Variants in C1orf210 observed in about 807,000 individuals in gnomAD.
C1orf210 encodes chromosome 1 open reading frame 210, also known as type III endosome membrane protein TEMP.
A neutral mutation model predicts 3.7 loss-of-function variants in C1orf210; 3 were observed. The ratio of observed to expected loss-of-function variants is 0.81; its 90% CI spans 0.37 to 2.08. The LOEUF (loss-of-function observed/expected upper bound fraction) is 2.08, where lower values mean the gene tolerates loss of function less well. Among genes scored for constraint, C1orf210 ranks in the 30% most tolerant of loss-of-function variants. The pLI, the probability that C1orf210 is intolerant of heterozygous loss-of-function variation, is 0.06. For synonymous variants in C1orf210, 62 were observed against 61.7 expected (o/e 1.00, Z -0.02); for missense variants, 143 against 147.7 (o/e 0.97, Z 0.17).
At chr1:43,283,194 C>A in intron 2 of C1orf210, 58 bp downstream of exon 2, 30 of 1,601,468 alleles carry the variant, frequency 1.9e-5, no homozygotes, top group Non-Finnish European at 2.5e-5. Flanking sequence ...GTCCTTCCCC[C>A]AACCCCAGCA....
intron 2 of C1orf210, 62 bp downstream of exon 2, chr1:43,283,190 C>A (rs367878230): frequency 7.5e-6 from 12 of 1,599,484 alleles, no homozygotes; most frequent in African/African-American, 1.3e-5. Flanking sequence ...TAGGGTCCTT[C>A]CCCCAACCCC....
In C1orf210 at chr1:43,282,266, GA is replaced by G. The variant is rs57070122; in HGVS notation, c.*518del. Reference sequence around the variant, plus strand: ...GCAACAGAGTGAGACTCCGTCTCAGGAAAAAAAAAAAAAGGAAGCTTGGCAC... The same window carrying G: ...GCAACAGAGTGAGACTCCGTCTCAGGAAAAAAAAAAAAGGAAGCTTGGCAC... On this transcript the variant is annotated 3_prime_UTR_variant, in exon 3 of 3. Transcript: ENST00000523677. 8 of 145,792 alleles carry G rather than the reference GA, an allele frequency of 5.5e-5. No individual in the cohort carries two copies. The highest frequency in any genetic ancestry group is 7.5e-5 in the Non-Finnish European group (5 of 66,650). 9.0% of individuals were successfully genotyped at this position (145,792 alleles called of 1,614,324 possible). A position where few individuals can be genotyped will look rare whatever the true frequency, so the allele number is the denominator to read the frequency against.
At chr1:43,284,740 A>G (rs1646569599) in intron 1 of C1orf210, among the ~76,000 whole-genome samples, 1 of 151,984 alleles carries the variant, frequency 6.6e-6, no homozygotes, top group African/African-American at 2.4e-5. Context: ...CCTCTTCTCC[A>G]CAGTTCCCTC....
rs1435700574 is a variant in C1orf210, at chr1:43,282,376, TAGG to T, written c.*406_*408del. 3.5e-5 allele frequency: 6 copies of T among 171,930 alleles called. No individual in the cohort carries two copies. Among genetic ancestry groups the T allele is most frequent in the Non-Finnish European group, 6.1e-5 (5 of 81,432 alleles). 10.7% of individuals were successfully genotyped at this position (171,930 alleles called of 1,614,324 possible). On this transcript the variant is annotated 3_prime_UTR_variant, in exon 3 of 3. Transcript: ENST00000523677. ...CAGGCCATCACAGTCATAGAGGATT[TAGG>T]AGAAGAGTAGCGTAGGCAGGGGGAC...
At chr1:43,285,311 A>G (rs1465987941) in intron 1 of C1orf210, 133 bp downstream of exon 1, 1 of 152,270 alleles carries the variant, frequency 6.6e-6, no homozygotes, top group Non-Finnish European at 1.5e-5. Flanking sequence ...CCAAGGGTGC[A>G]TATACACTCC....
chr1:43,283,475 T>C, intron 1 of C1orf210, 107 bp from the exon 2 acceptor site: 6 of 575,922 alleles, frequency 1.0e-5, no homozygotes, highest in Admixed American at 3.3e-5. Context: ...ACTGGACAAC[T>C]GACCACACCA....
chr1:43,283,132 A>G, intron 2 of C1orf210, 25 bp from the exon 3 acceptor site: 8 of 1,605,122 alleles, frequency 5.0e-6, no homozygotes, highest in Non-Finnish European at 5.1e-6. Flanking sequence ...ACAGCATTAT[A>G]GGTGGGCCCC....
chr1:43,282,488 A>G lies in C1orf210; in HGVS notation c.*297T>C. ...ATTGATTTCGACAGTAAAGTAGGGG[A>G]AGGCAAGAAAAGAAACCAAGAGGCC... On this transcript the variant is annotated 3_prime_UTR_variant, in exon 3 of 3. Transcript: ENST00000523677. The G allele has an allele frequency of 2.9e-6, 1 of 347,660 alleles. No homozygotes were observed. The highest frequency in any genetic ancestry group is 2.1e-5 in the African/African-American group (1 of 47,802). The allele number at this position is 347,660 out of a possible 1,614,324, so 21.5% of individuals were successfully genotyped here. A position where few individuals can be genotyped will look rare whatever the true frequency, so the allele number is the denominator to read the frequency against.
At position 43,283,083 on chromosome 1, in the gene C1orf210, G is replaced by A. The variant is rs768886063; in HGVS notation, c.44C>T (p.Pro15Leu). Reference protein sequence around the residue: ...NKTLVGPSELPTASAVAPGPG... With the variant: ...NKTLVGPSELLTASAVAPGPG... ...GCCAGGGGCCACAGCAGACGCTGTGGGGAGCTCCGAAGGCCCAACAAGTGC... is the reference window on the plus strand; with the variant it reads ...GCCAGGGGCCACAGCAGACGCTGTGAGGAGCTCCGAAGGCCCAACAAGTGC... The change falls in exon 3 of 3, where the codon CCC becomes CTC. Residue 15 changes from proline to leucine, a missense_variant. Transcript: ENST00000523677. 1 of 1,613,686 alleles carries A rather than the reference G, an allele frequency of 6.2e-7. No individual in the cohort carries two copies. The highest frequency in any genetic ancestry group is 2.2e-5 in the East Asian group (1 of 44,868).
At chr1:43,285,022 C>A (rs999271852) in intron 1 of C1orf210, among the ~76,000 whole-genome samples, 1 of 152,170 alleles carries the variant, frequency 6.6e-6, no homozygotes, top group East Asian at 1.9e-4. Context: ...GGGAGCTGGG[C>A]GTTCAGCCCC....
At position 43,282,569 on chromosome 1, in the gene C1orf210, A is replaced by T; in HGVS notation, c.*216T>A. The T allele has an allele frequency of 1.8e-6, 1 of 551,940 alleles. No homozygotes were observed. The highest frequency in any genetic ancestry group is 3.2e-6 in the Non-Finnish European group (1 of 313,476). 34.2% of individuals were successfully genotyped at this position (551,940 alleles called of 1,614,324 possible). ...CACACTCAAGCCTTTGTTTGGCTTTATCCTGAGAACAGCAGGGAACAGTTG... is the reference window on the plus strand; with the variant it reads ...CACACTCAAGCCTTTGTTTGGCTTTTTCCTGAGAACAGCAGGGAACAGTTG... On this transcript the variant is annotated 3_prime_UTR_variant, in exon 3 of 3. Coordinates refer to ENST00000523677, the MANE Select transcript of C1orf210 (RefSeq NM_182517.3).
chr1:43,284,862 C>A (rs1646570277), intron 1 of C1orf210, among the ~76,000 whole-genome samples: 1 of 152,212 alleles, frequency 6.6e-6, no homozygotes, highest in African/African-American at 2.4e-5. Context: ...CCAAATCAGA[C>A]CATACCTGCC....
intron 1 of C1orf210, among the ~76,000 whole-genome samples, chr1:43,284,296 G>A (rs1378368489): frequency 6.6e-6 from 1 of 152,092 alleles, no homozygotes; most frequent in African/African-American, 2.4e-5. Context: ...GCTAGGGCAG[G>A]AGCATATCTG....
rs1022627374 is a variant in C1orf210, at chr1:43,284,969, C to T, written c.-99+475G>A. Among the ~76,000 whole-genome samples the T allele has an allele frequency of 2.0e-4, 30 of 152,226 alleles. 1 individual carries two copies. Among genetic ancestry groups the T allele is most frequent in the Admixed American group, 1.9e-3 (29 of 15,274 alleles). Reference sequence around the variant, plus strand: ...AGTCATTGCTAGGCGGGCAGCTCCCCGTGGGCAACGGCTGGCTGAAGGATC... The same window carrying T: ...AGTCATTGCTAGGCGGGCAGCTCCCTGTGGGCAACGGCTGGCTGAAGGATC... On this transcript the variant is annotated intron_variant, in intron 1 of 2. Coordinates refer to ENST00000523677, the MANE Select transcript of C1orf210 (RefSeq NM_182517.3).
intron 1 of C1orf210, 93 bp from the exon 2 acceptor site, chr1:43,283,461 G>T: frequency 3.0e-6 from 2 of 668,228 alleles, no homozygotes; most frequent in Non-Finnish European, 5.0e-6. Flanking sequence ...CACAAACTCT[G>T]GGGACTGGAC....
Position 43,282,879 on chromosome 1 carries a change from T to A in C1orf210, c.248A>T (p.Asp83Val). Residue 83 changes from aspartate (D) to valine (V), a missense_variant, in exon 3 of 3, where the codon GAT (aspartate) becomes GTT (valine). Asp to Val is a radical substitution (Grantham distance 152). Coordinates refer to ENST00000523677, the MANE Select transcript of C1orf210 (RefSeq NM_182517.3). ...CTCGATGAAGCCATCATCATCCTCA[T>A]CTTCAGCCACCTGTGGGCGGCCTCC... ...GRGGRPQVAEDEDDDGFIEDN... is the reference protein window; with the variant it reads ...GRGGRPQVAEVEDDDGFIEDN... 1 of 1,614,138 alleles carries A rather than the reference T, an allele frequency of 6.2e-7. No individual in the cohort carries two copies. The highest frequency in any genetic ancestry group is 8.5e-7 in the Non-Finnish European group (1 of 1,179,986).
chr1:43,283,803 G>C (rs1570412376), intron 1 of C1orf210, among the ~76,000 whole-genome samples: 1 of 152,152 alleles, frequency 6.6e-6, no homozygotes, highest in East Asian at 1.9e-4. Context: ...GCAGAGGTGG[G>C]TCCTGGCTCC....
In C1orf210 at chr1:43,282,609, A is replaced by G; in HGVS notation, c.*176T>C. On this transcript the variant is annotated 3_prime_UTR_variant, in exon 3 of 3. Coordinates refer to ENST00000523677, the MANE Select transcript of C1orf210 (RefSeq NM_182517.3). ...GGGAACAGTTGAGAGTTATTGAGCAAGAGAGGGTCATTGTCACTTTGCTGG... is the reference window on the plus strand; with the variant it reads ...GGGAACAGTTGAGAGTTATTGAGCAGGAGAGGGTCATTGTCACTTTGCTGG... 3.2e-6 allele frequency: 2 copies of G among 621,086 alleles called. No individual in the cohort carries two copies. Among genetic ancestry groups the G allele is most frequent in the South Asian group, 4.1e-5 (2 of 49,174 alleles). 38.5% of individuals were successfully genotyped at this position (621,086 alleles called of 1,614,324 possible). A position where few individuals can be genotyped will look rare whatever the true frequency, so the allele number is the denominator to read the frequency against.
At chr1:43,284,707 G>A (rs1646569211) in intron 1 of C1orf210, among the ~76,000 whole-genome samples, 2 of 152,042 alleles carry the variant, frequency 1.3e-5, no homozygotes, top group African/African-American at 2.4e-5. Context: ...TCCAGCACAC[G>A]GCCCTCAAGC....
Sources: allele counts gnomAD v4.1 joint callset (sites outside exome capture counted in the v4.1 genomes callset), GRCh38; gene constraint gnomAD v4.1.1; transcripts MANE v1.5; gene names NCBI Gene and HGNC (gene_info 2026-07-23, HGNC 2026-07-21).